The following QKI variants were observed in gnomAD, a reference collection of about 807,000 sequenced individuals.
The protein encoded by QKI is QKI, KH domain containing RNA binding.
A neutral mutation model predicts 39.0 loss-of-function variants in QKI; 10 were observed. The ratio of observed to expected loss-of-function variants is 0.26; its 90% CI spans 0.16 to 0.43. The LOEUF is 0.43. QKI is among the 20% of genes least tolerant of loss of function. QKI has a pLI of 1.00. For synonymous variants in QKI, 204 were observed against 155.4 expected (o/e 1.31, Z -2.33); for missense variants, 218 against 428.0 (o/e 0.51, Z 4.33).
rs1791010478 is a variant in QKI, at chr6:163,457,521, T to A, written c.285+2100T>A. The A allele has an allele frequency of 6.7e-6, 3 of 450,870 alleles. No individual in the cohort carries two copies. In the Admixed American group the frequency reaches 7.1e-5, roughly 11 times the overall value. The allele number at this position is 450,870 out of a possible 1,614,324, so 27.9% of individuals were successfully genotyped here. ...TGGGAACTGTAAATGTTCAAGCCCC[T>A]TTCCATACTTATTGAATCAGAAACT... is the stretch of plus-strand genomic sequence containing the variant. On this transcript the variant is annotated intron_variant, in intron 2 of 7. Transcript: ENST00000361752.
At chr6:163,515,979 ATTAT>A (rs71868233) in intron 3 of QKI, among the ~76,000 whole-genome samples, 6,259 of 151,780 alleles carry the variant, frequency 0.041, 143 homozygotes, top group African/African-American at 0.064. Context: ...ATGTAATCTG[ATTAT>A]TTATCTCTCA....
At chr6:163,566,436 T>C in intron 6 of QKI, 1 of 1,268,552 alleles carries the variant, frequency 7.9e-7, no homozygotes, top group African/African-American at 1.5e-5. Context: ...AAAGCTTAAA[T>C]ATGTTTGGAT....
At chr6:163,419,465 CAG>C (rs1306220667) in intron 1 of QKI, among the ~76,000 whole-genome samples, 1 of 152,076 alleles carries the variant, frequency 6.6e-6, no homozygotes, top group Non-Finnish European at 1.5e-5. Context: ...CTGTAACAAA[CAG>C]ATTTTAAGGT....
chr6:163,511,501 TAATAA>T (rs1392518412), intron 3 of QKI, among the ~76,000 whole-genome samples: 13 of 152,140 alleles, frequency 8.5e-5, no homozygotes, highest in African/African-American at 1.9e-4. Context: ...CCAGTATATT[TAATAA>T]AATAGGAGAC....
intron 4 of QKI, among the ~76,000 whole-genome samples, chr6:163,540,302 A>G (rs1032024590): frequency 2.0e-5 from 3 of 152,150 alleles, no homozygotes; most frequent in Admixed American, 6.6e-5. Flanking sequence ...AGGAAATGTA[A>G]TAAGTATTTT....
At chr6:163,564,461 T>G (rs1783229886) in intron 6 of QKI, 2 of 1,411,572 alleles carry the variant, frequency 1.4e-6, no homozygotes, top group South Asian at 1.6e-5. Context: ...TTTTCAGTTC[T>G]TGTGTTTTGG....
At position 163,535,135 on chromosome 6, in the gene QKI, A is replaced by G; in HGVS notation, c.546+10A>G. ...ATTATTGGTACCTGCAGTAAGTAATAATTTCCAGACCTTAGATTTGGGCCT... is the reference window on the plus strand; with the variant it reads ...ATTATTGGTACCTGCAGTAAGTAATGATTTCCAGACCTTAGATTTGGGCCT... On this transcript the variant is annotated intron_variant, in intron 4 of 7. Coordinates refer to ENST00000361752, the MANE Select transcript of QKI (RefSeq NM_006775.3). 6.3e-7 allele frequency: 1 copy of G among 1,575,204 alleles called. No homozygotes were observed. Among genetic ancestry groups the G allele is most frequent in the Non-Finnish European group, 8.6e-7 (1 of 1,163,616 alleles).
chr6:163,521,592 G>A (rs923828291), intron 3 of QKI, among the ~76,000 whole-genome samples: 17 of 152,018 alleles, frequency 1.1e-4, no homozygotes, highest in African/African-American at 3.9e-4. Context: ...GCATGATCTC[G>A]GCTCACTGCA....
intron 4 of QKI, among the ~76,000 whole-genome samples, chr6:163,544,023 G>C (rs1410111945): frequency 6.6e-6 from 1 of 151,940 alleles, no homozygotes; most frequent in Non-Finnish European, 1.5e-5. Context: ...CACAAAGTAA[G>C]AACATTTAAA....
chr6:163,556,378 G>A (rs1352137001), intron 4 of QKI, among the ~76,000 whole-genome samples: 1 of 151,648 alleles, frequency 6.6e-6, no homozygotes, highest in African/African-American at 2.4e-5. Flanking sequence ...TGGGCGTAGT[G>A]ACATATGCCT....
chr6:163,493,290 C>G (rs1376591539), intron 3 of QKI, among the ~76,000 whole-genome samples: 2 of 152,048 alleles, frequency 1.3e-5, no homozygotes, highest in Non-Finnish European at 2.9e-5. Flanking sequence ...GCCACCACTC[C>G]CAGCTAATTT....
chr6:163,486,926 A>AT (rs1777720035), intron 3 of QKI, among the ~76,000 whole-genome samples: 1 of 152,216 alleles, frequency 6.6e-6, no homozygotes, highest in South Asian at 2.1e-4. Flanking sequence ...TCAAGGCAGC[A>AT]TTCATAGTGA....
chr6:163,466,494 AT>A (rs752766174), intron 2 of QKI, among the ~76,000 whole-genome samples: 14 of 152,198 alleles, frequency 9.2e-5, no homozygotes, highest in Admixed American at 2.0e-4. Context: ...TTCAAATTAT[AT>A]TAAAACAATT....
chr6:163,512,141 A>G (rs908280466), intron 3 of QKI, among the ~76,000 whole-genome samples: 4 of 152,084 alleles, frequency 2.6e-5, no homozygotes, highest in African/African-American at 4.8e-5. Context: ...ACAAAATTCA[A>G]TACACAAAAA....
intron 2 of QKI, among the ~76,000 whole-genome samples, chr6:163,477,133 G>A (rs1176840420): frequency 2.0e-5 from 3 of 150,702 alleles, no homozygotes; most frequent in Admixed American, 2.0e-4. Context: ...CTCATGCCTC[G>A]GCCACCCAGG....
At chr6:163,486,656 A>G (rs1394884722) in intron 3 of QKI, among the ~76,000 whole-genome samples, 4 of 152,242 alleles carry the variant, frequency 2.6e-5, no homozygotes, top group Non-Finnish European at 5.9e-5. Flanking sequence ...GAGGGTCTCA[A>G]GAAAATTAAA....
intron 4 of QKI, among the ~76,000 whole-genome samples, chr6:163,556,815 C>T (rs984779003): frequency 1.3e-5 from 2 of 152,070 alleles, no homozygotes; most frequent in African/African-American, 2.4e-5. Flanking sequence ...GGCACTTCCC[C>T]GATACCACAG....
At chr6:163,477,412 C>T (rs79790094) in intron 2 of QKI, among the ~76,000 whole-genome samples, 4,230 of 152,206 alleles carry the variant, frequency 0.028, 191 homozygotes, top group African/African-American at 0.096. Context: ...CCGTAGTATA[C>T]TACTTGAGTT....
At chr6:163,478,705 A>G (rs930777334) in intron 2 of QKI, 75 bp from the exon 3 acceptor site, 2 of 934,238 alleles carry the variant, frequency 2.1e-6, no homozygotes, top group East Asian at 2.5e-5. Flanking sequence ...GTAAATGTAG[A>G]TATACTTTAT....
Sources: allele counts gnomAD v4.1 joint callset (sites outside exome capture counted in the v4.1 genomes callset), GRCh38; gene constraint gnomAD v4.1.1; transcripts MANE v1.5; gene names NCBI Gene and HGNC (gene_info 2026-07-23, HGNC 2026-07-21).